The following BRCA2 variants were observed in gnomAD, a reference collection of about 807,000 sequenced individuals.
BRCA2 encodes the protein breast cancer type 2 susceptibility protein.
Under a neutral mutation model 276.7 loss-of-function variants are expected in BRCA2, and 203 were observed. The observed-to-expected ratio is 0.73, with a 90% CI of 0.65 to 0.82. The LOEUF is 0.82. Ranked by LOEUF, BRCA2 falls within the 40% of genes least tolerant of loss-of-function variation. BRCA2 has a pLI of 0.00. For missense variants in BRCA2, 3,920 were observed against 3,915.0 expected, an observed-to-expected ratio of 1.00 and a Z score of -0.03; for synonymous variants, 1,289 against 1,338.4, an observed-to-expected ratio of 0.96 and a Z score of 0.81.
At position 32,380,104 on chromosome 13, in the gene BRCA2, T is replaced by TGTA; in HGVS notation, c.9216_9217insTAG (p.Val3072_Asp3073insTer). ...GACTTTCAGCCATCTTGTTCTGAGGTGGACCTAATAGGATTTGTCGTTTCT... is the reference window on the plus strand; with the variant it reads ...GACTTTCAGCCATCTTGTTCTGAGGTGTAGGACCTAATAGGATTTGTCGTTTCT... On this transcript the variant is annotated stop_gained and inframe_insertion, in exon 24 of 27. Coordinates refer to ENST00000380152, the MANE Select transcript of BRCA2 (RefSeq NM_000059.4). LOFTEE classifies it high-confidence loss of function. 1 of 1,614,122 alleles carries TGTA rather than the reference T, an allele frequency of 6.2e-7. No homozygotes were observed. Among genetic ancestry groups the TGTA allele is most frequent in the Non-Finnish European group, 8.5e-7 (1 of 1,179,998 alleles).
rs1314772598 is a variant in BRCA2, at chr13:32,324,738, C to T, written c.317-338C>T. Among the ~76,000 whole-genome samples the T allele has an allele frequency of 2.6e-5, 4 of 152,066 alleles. 1 individual carries two copies. Among genetic ancestry groups the T allele is most frequent in the South Asian group, 4.2e-4 (2 of 4,814 alleles). On this transcript the variant is annotated intron_variant, in intron 3 of 26. Transcript: ENST00000380152. ...AGCTCCTGGGCTCAAGTGATCCTCC[C>T]GCCTCAGCCTCTCAAGTAGCTAGGA...
rs2072519361 is a variant in BRCA2 at position 32,339,415 on chromosome 13, T to C, written c.5060T>C (p.Leu1687Pro). 2.5e-6 allele frequency: 4 copies of C among 1,593,878 alleles called. No homozygotes were observed. The highest frequency in any genetic ancestry group is 4.5e-5 in the East Asian group (2 of 44,628). ...ACTTCTGTGAGTCAGACTTCATTACTTGAAGCAAAAAAATGGCTTAGAGAA... is the reference window on the plus strand; with the variant it reads ...ACTTCTGTGAGTCAGACTTCATTACCTGAAGCAAAAAAATGGCTTAGAGAA... ...RKTSVSQTSL[L>P]EAKKWLREGI... The change falls in exon 11 of 27, where the codon CTT (leucine) becomes CCT (proline). Residue 1687 changes from leucine (L) to proline (P), a missense_variant. By Grantham distance (98) the Leu-to-Pro change is moderately conservative. Transcript: ENST00000380152.
rs2137517808 is a variant in BRCA2 at position 32,339,825 on chromosome 13, A to C, written c.5470A>C (p.Asn1824His). ...TAGCTCTTCACCCTGCAAAAATAAA[A>C]ATGCAGCCATTAAATTGTCCATATC... is the stretch of plus-strand genomic sequence containing the variant. ...VTSSSPCKNK[N>H]AAIKLSISNS... Residue 1824 changes from asparagine (N) to histidine (H), a missense_variant, in exon 11 of 27, where the codon AAT becomes CAT. Coordinates refer to ENST00000380152, the MANE Select transcript of BRCA2 (RefSeq NM_000059.4). The C allele has an allele frequency of 6.2e-7, 1 of 1,613,978 alleles. No homozygotes were observed. Among genetic ancestry groups the C allele is most frequent in the Non-Finnish European group, 8.5e-7 (1 of 1,179,878 alleles).
At chr13:32,365,143 A>C in intron 18 of BRCA2, among the ~76,000 whole-genome samples, 1 of 90,312 alleles carries the variant, frequency 1.1e-5, no homozygotes, top group South Asian at 3.6e-4. Context: ...TTTTTGAGAC[A>C]ACGTCTCACT....
rs587778122 is a variant in BRCA2 at position 32,337,840 on chromosome 13, C to T, written c.3485C>T (p.Ala1162Val). 1.1e-5 allele frequency: 17 copies of T among 1,614,050 alleles called. No individual in the cohort carries two copies. Among genetic ancestry groups the T allele is most frequent in the Non-Finnish European group, 1.4e-5 (16 of 1,179,962 alleles). Residue 1162 changes from alanine to valine, a missense_variant, in exon 11 of 27, where the codon GCT (alanine) becomes GTT (valine). Ala to Val is a moderately conservative substitution (Grantham distance 64). Around this residue, in one of 2 missense-constraint regions of BRCA2, gnomAD observed 3,263 missense variants for 3,156.9 expected, o/e 1.03. Coordinates refer to ENST00000380152, the MANE Select transcript of BRCA2 (RefSeq NM_000059.4). ...ACCACTTCTGAGGAATGCAGAGATG[C>T]TGATCTTCATGTCATAATGAATGCC... is the stretch of plus-strand genomic sequence containing the variant. ...LKTTSEECRD[A>V]DLHVIMNAPS... is the part of the protein sequence containing the mutation.
rs2072548028 is a variant in BRCA2, at chr13:32,340,519, T to C, written c.6164T>C (p.Phe2055Ser). 1 of 1,613,644 alleles carries C rather than the reference T, an allele frequency of 6.2e-7. No individual in the cohort carries two copies. Among genetic ancestry groups the C allele is most frequent in the Non-Finnish European group, 8.5e-7 (1 of 1,179,766 alleles). The change falls in exon 11 of 27, where the codon TTC becomes TCC. Residue 2055 changes from phenylalanine to serine, a missense_variant. Physicochemically the swap from Phe to Ser is radical, Grantham distance 155 (BLOSUM62 -2). This residue lies in a region of BRCA2 where 3,263 missense variants were observed against 3,156.9 expected (regional missense o/e 1.03). Coordinates refer to ENST00000380152, the MANE Select transcript of BRCA2 (RefSeq NM_000059.4). Reference protein sequence around the residue: ...FSYNVVNSSAFSGFSTASGKQ... With the variant: ...FSYNVVNSSASSGFSTASGKQ... ...TATAATGTGGTAAATTCATCTGCTT[T>C]CTCTGGATTTAGTACAGCAAGTGGA...
At chr13:32,371,333 G>T (rs150709447) in intron 20 of BRCA2, among the ~76,000 whole-genome samples, 3 of 152,128 alleles carry the variant, frequency 2.0e-5, no homozygotes, top group Admixed American at 2.0e-4. Context: ...TTACCTATAT[G>T]ATGTGGCTTT....
In BRCA2 at chr13:32,357,774, A is replaced by T. The variant is rs750460177; in HGVS notation, c.7650A>T (p.Ile2550=). 14 of 1,613,692 alleles carry T rather than the reference A, an allele frequency of 8.7e-6. No homozygotes were observed. Among genetic ancestry groups the T allele is most frequent in the Non-Finnish European group, 1.2e-5 (14 of 1,179,716 alleles). ...CGTATGGCGTTTCTAAACATTGCAT[A>T]AAAATTAACAGCAAAAATGCAGAGT... ...LYTYGVSKHC[I]KINSKNAESF... The change falls in exon 16 of 27, where the codon ATA becomes ATT. Residue 2550 remains isoleucine, a synonymous_variant. Transcript: ENST00000380152.
At chr13:32,391,020 G>C (rs1663759699) in intron 24 of BRCA2, among the ~76,000 whole-genome samples, 1 of 152,166 alleles carries the variant, frequency 6.6e-6, no homozygotes. Flanking sequence ...AGGCCCTAAA[G>C]CTCTTAGGTT....
At chr13:32,379,151 G>A (rs2072894161) in intron 21 of BRCA2, among the ~76,000 whole-genome samples, 166 bp from the exon 22 acceptor site, 1 of 152,162 alleles carries the variant, frequency 6.6e-6, no homozygotes. Context: ...ATTATTAATA[G>A]TTTGAGGCAC....
Position 32,340,282 on chromosome 13 carries a change from G to T in BRCA2, c.5927G>T (p.Gly1976Val), listed in dbSNP as rs587782751. Residue 1976 changes from glycine to valine, a missense_variant, in exon 11 of 27, where the codon GGG (glycine) becomes GTG (valine). Coordinates refer to ENST00000380152, the MANE Select transcript of BRCA2 (RefSeq NM_000059.4). ...HKSVSSANTCGIFSTASGKSV... is the reference protein window; with the variant it reads ...HKSVSSANTCVIFSTASGKSV... ...TCAGTCTCATCTGCAAATACTTGTG[G>T]GATTTTTAGCACAGCAAGTGGAAAA... The T allele has an allele frequency of 6.2e-6, 10 of 1,613,792 alleles. No individual in the cohort carries two copies. In the African/African-American group the frequency reaches 1.2e-4, roughly 19 times the overall value.
chr13:32,358,040 C>T, intron 16 of BRCA2, 111 bp downstream of exon 16: 1 of 1,184,062 alleles, frequency 8.4e-7, no homozygotes, highest in South Asian at 1.3e-5. Context: ...AATTTTTATG[C>T]ATTTAATTGT....
At position 32,379,521 on chromosome 13, in the gene BRCA2, T is replaced by G. The variant is rs2137620854; in HGVS notation, c.8953+6T>G. 6.2e-7 allele frequency: 1 copy of G among 1,611,632 alleles called. No homozygotes were observed. Among genetic ancestry groups the G allele is most frequent in the Non-Finnish European group, 8.5e-7 (1 of 1,178,984 alleles). On this transcript the variant is annotated splice_donor_region_variant and intron_variant, in intron 22 of 26. Transcript: ENST00000380152. ...AAAAAAAGAAAAAGATTCAGGTAAG[T>G]ATGTAAATGCTTTGTTTTTATCAGT... is the stretch of plus-strand genomic sequence containing the variant.
At chr13:32,386,318 G>A (rs1353236824) in intron 24 of BRCA2, among the ~76,000 whole-genome samples, 4 of 152,134 alleles carry the variant, frequency 2.6e-5, no homozygotes, top group Admixed American at 6.5e-5. Flanking sequence ...TGAGGCAGGA[G>A]AATTGCTTGA....
In BRCA2 at chr13:32,339,215, A is replaced by G. The variant is rs976841328; in HGVS notation, c.4860A>G (p.Leu1620=). 7 of 1,613,286 alleles carry G rather than the reference A, an allele frequency of 4.3e-6. No individual in the cohort carries two copies. Among genetic ancestry groups the G allele is most frequent in the East Asian group, 4.5e-5 (2 of 44,874 alleles). Residue 1620 remains leucine, a synonymous_variant, in exon 11 of 27, where the codon TTA becomes TTG. Transcript: ENST00000380152. ...CACCTAAGCTCTTAAGTGATAATTTATGTAGACAAACTGAAAATCTCAAAA... is the reference window on the plus strand; with the variant it reads ...CACCTAAGCTCTTAAGTGATAATTTGTGTAGACAAACTGAAAATCTCAAAA... ...VVPPKLLSDN[L]CRQTENLKTS...
At chr13:32,324,007 G>C (rs1024198603) in intron 3 of BRCA2, among the ~76,000 whole-genome samples, 5 of 152,176 alleles carry the variant, frequency 3.3e-5, no homozygotes, top group African/African-American at 1.2e-4. Context: ...ATGTATTACT[G>C]TCTGCAACTC....
rs574290526 is a variant in BRCA2, at chr13:32,329,742, A to C, written c.681+250A>C. ...TGGGGTATACATTCCAATATCCCCC[A>C]GTGAATGCTTGAAACCTTAGATAGT... On this transcript the variant is annotated intron_variant, in intron 8 of 26. Transcript: ENST00000380152. Among the ~76,000 whole-genome samples, 13 of 152,190 alleles carry C rather than the reference A, an allele frequency of 8.5e-5. No individual in the cohort carries two copies. The East Asian group carries it at 2.5e-3, about 29-fold the overall frequency.
At chr13:32,360,347 G>A (rs534606482) in intron 16 of BRCA2, among the ~76,000 whole-genome samples, 6 of 152,248 alleles carry the variant, frequency 3.9e-5, no homozygotes, top group Admixed American at 2.0e-4. Flanking sequence ...ACCACTGGAA[G>A]GCTTAAAGGG....
chr13:32,340,069 A>G lies in BRCA2; in HGVS notation c.5714A>G (p.His1905Arg), dbSNP rs80358796. The G allele has an allele frequency of 3.7e-6, 6 of 1,613,794 alleles. No homozygotes were observed. The African/African-American group carries it at 4.0e-5, about 11-fold the overall frequency. ...TTGGATGATTCAGAGGATATTCTTC[A>G]TAACTCTCTAGATAATGATGAATGT... ...EALDDSEDIL[H>R]NSLDNDECST... The change falls in exon 11 of 27, where the codon CAT (histidine) becomes CGT (arginine). Residue 1905 changes from histidine to arginine, a missense_variant. Around this residue, in one of 2 missense-constraint regions of BRCA2, gnomAD observed 3,263 missense variants for 3,156.9 expected, o/e 1.03. Transcript: ENST00000380152.
Sources: gnomAD v4.1 joint callset for allele counts (sites outside exome capture counted in the v4.1 genomes callset) on GRCh38, gnomAD v4.1.1 for gene constraint, gnomAD v4.1.1 regional missense constraint, MANE v1.5 for transcripts, NCBI Gene and HGNC (gene_info 2026-07-23, HGNC 2026-07-21) for gene names.